PCDHGA2: variants seen among roughly 807,000 people sequenced by gnomAD.
PCDHGA2 encodes the protein protocadherin gamma-A2.
A neutral mutation model predicts 59.2 loss-of-function variants in PCDHGA2; 40 were observed. The ratio of observed to expected loss-of-function variants is 0.68; its 90% CI spans 0.52 to 0.88. PCDHGA2 has a LOEUF of 0.88. Ranked by LOEUF, PCDHGA2 falls within the 40% of genes least tolerant of loss-of-function variation. The pLI is 0.00. For synonymous variants in PCDHGA2, 560 were observed against 526.0 expected (o/e 1.06, Z -0.89); for missense variants, 1,226 against 1,204.0 (o/e 1.02, Z -0.27).
chr5:141,490,151 T>C lies in PCDHGA2; in HGVS notation c.2425-4656T>C, dbSNP rs1449636059. The stretch of plus-strand genomic sequence containing the variant: ...GACCCTAGCAGTGGGGCAATCCATG[T>C]GTTGGGTCCCATAGACTTTGAGGAG... On this transcript the variant is annotated intron_variant, in intron 1 of 3. Transcript: ENST00000394576. The surrounding 1 kb of genome is among the most constrained non-coding windows in gnomAD (Gnocchi z 5.4). 4 of 1,614,210 alleles carry C rather than the reference T, an allele frequency of 2.5e-6. No homozygotes were observed. The highest frequency in any genetic ancestry group is 3.4e-6 in the Non-Finnish European group (4 of 1,180,018).
chr5:141,500,839 G>A (rs2099802871), intron 2 of PCDHGA2, among the ~76,000 whole-genome samples: 1 of 151,906 alleles, frequency 6.6e-6, no homozygotes, highest in African/African-American at 2.4e-5. Flanking sequence ...ATGCTAATGG[G>A]CTTTTGCTAC....
Position 141,494,920 on chromosome 5 carries a change from G to A in PCDHGA2, c.2483+55G>A, listed in dbSNP as rs1329724849. The A allele has an allele frequency of 1.8e-5, 29 of 1,613,680 alleles. No individual in the cohort carries two copies. The East Asian group carries it at 6.5e-4, about 36-fold the overall frequency. On this transcript the variant is annotated intron_variant, in intron 2 of 3. Coordinates refer to ENST00000394576, the MANE Select transcript of PCDHGA2 (RefSeq NM_018915.4). ...TTCTCTGCGGCATTTTCTCAGGGAT[G>A]ACGTGGGAGGAGATGGGGGAGGGCC...
intron 1 of PCDHGA2, among the ~76,000 whole-genome samples, chr5:141,463,534 C>T (rs866525322): frequency 2.6e-4 from 39 of 148,938 alleles, no homozygotes; most frequent in Admixed American, 7.5e-4. Flanking sequence ...CTAGAAACTC[C>T]GGCTCCCGGG....
chr5:141,452,449 T>G (rs1482580788), intron 1 of PCDHGA2, among the ~76,000 whole-genome samples: 1 of 152,224 alleles, frequency 6.6e-6, no homozygotes, highest in South Asian at 2.1e-4. Flanking sequence ...TTCTAGGCCT[T>G]GTCAGCAGAC....
At chr5:141,346,410 A>G (rs1423837519) in intron 1 of PCDHGA2, 3 of 1,614,250 alleles carry the variant, frequency 1.9e-6, no homozygotes, top group South Asian at 1.1e-5. Context: ...GCCTCTTCTG[A>G]TAACTCAGGA....
At chr5:141,410,821 C>A in intron 1 of PCDHGA2, 1 of 441,370 alleles carries the variant, frequency 2.3e-6, no homozygotes, top group Non-Finnish European at 3.8e-6. Context: ...AAAATAATGT[C>A]ACCAGACTGA....
chr5:141,399,812 C>T (rs1561672586), intron 1 of PCDHGA2: 1 of 1,613,222 alleles, frequency 6.2e-7, no homozygotes, highest in South Asian at 1.1e-5. Context: ...CTGTACCCCG[C>T]GCTGGGTCCC....
intron 1 of PCDHGA2, among the ~76,000 whole-genome samples, chr5:141,494,135 GTCAC>G (rs1365926534): frequency 3.3e-5 from 5 of 152,202 alleles, no homozygotes; most frequent in Admixed American, 6.5e-5. Flanking sequence ...CTTCTCCTTA[GTCAC>G]AGACCATTGT....
intron 1 of PCDHGA2, chr5:141,356,275 T>C: frequency 6.4e-7 from 1 of 1,560,692 alleles, no homozygotes; most frequent in Non-Finnish European, 8.7e-7. Context: ...AGTCCAGGAA[T>C]CTTCTTCCCC....
Position 141,486,595 on chromosome 5 carries a change from T to G in PCDHGA2, c.2425-8212T>G. ...AGAACAATCGCCCAGGGGACCTGCTTTGCTCCCTTGCAGCCTCTGACCCAG... is the reference window on the plus strand; with the variant it reads ...AGAACAATCGCCCAGGGGACCTGCTGTGCTCCCTTGCAGCCTCTGACCCAG... On this transcript the variant is annotated intron_variant, in intron 1 of 3. Coordinates refer to ENST00000394576, the MANE Select transcript of PCDHGA2 (RefSeq NM_018915.4). This position sits in a 1 kb window ranked among gnomAD's most constrained non-coding sequence, Gnocchi z 5.0. The G allele has an allele frequency of 6.2e-7, 1 of 1,613,614 alleles. No homozygotes were observed. Among genetic ancestry groups the G allele is most frequent in the Non-Finnish European group, 8.5e-7 (1 of 1,180,016 alleles).
chr5:141,417,034 T>C (rs1408752235), intron 1 of PCDHGA2: 1 of 151,548 alleles, frequency 6.6e-6, no homozygotes, highest in Non-Finnish European at 1.5e-5. Context: ...ACAGGTTTTT[T>C]TTTTAAAAAA....
At chr5:141,418,815 T>A in intron 1 of PCDHGA2, 1 of 1,613,864 alleles carries the variant, frequency 6.2e-7, no homozygotes, top group East Asian at 2.2e-5. Flanking sequence ...ACGATAAACA[T>A]AGAAGCAAAA....
At position 141,344,546 on chromosome 5, in the gene PCDHGA2, G is replaced by T. The variant is rs761868330; in HGVS notation, c.2424+3151G>T. On this transcript the variant is annotated intron_variant, in intron 1 of 3. Transcript: ENST00000394576. ...GCATTAACTCCCTGCAGAACTACAA[G>T]CTTAGCCCCAATGACTACTTCTCTC... is the stretch of plus-strand genomic sequence containing the variant. 34 of 1,614,000 alleles carry T rather than the reference G, an allele frequency of 2.1e-5. No homozygotes were observed. In the South Asian group the frequency reaches 2.9e-4, roughly 14 times the overall value.
At chr5:141,410,473 A>G (rs1347318074) in intron 1 of PCDHGA2, 1 of 1,614,028 alleles carries the variant, frequency 6.2e-7, no homozygotes, top group East Asian at 2.2e-5. Context: ...TGTGCATTGC[A>G]CATACGGGTA....
chr5:141,428,508 T>G, intron 1 of PCDHGA2: 1 of 279,550 alleles, frequency 3.6e-6, no homozygotes, highest in South Asian at 4.0e-5. Flanking sequence ...CCTCGGATTC[T>G]AGAAAAAGAA....
chr5:141,464,680 A>T (rs747974832), intron 1 of PCDHGA2, among the ~76,000 whole-genome samples: 1 of 152,144 alleles, frequency 6.6e-6, no homozygotes, highest in African/African-American at 2.4e-5. Context: ...TTTTAATTAA[A>T]ATTTCTCTTA....
chr5:141,508,723 G>A (rs941469412), intron 3 of PCDHGA2, among the ~76,000 whole-genome samples: 2 of 151,814 alleles, frequency 1.3e-5, no homozygotes, highest in African/African-American at 4.8e-5. Context: ...TGTGTGCAGG[G>A]AGACTACACC....
rs773232677 is a variant in PCDHGA2, at chr5:141,490,388, G to A, written c.2425-4419G>A. 2 of 1,614,206 alleles carry A rather than the reference G, an allele frequency of 1.2e-6. No homozygotes were observed. The highest frequency in any genetic ancestry group is 2.2e-5 in the East Asian group (1 of 44,878). The stretch of plus-strand genomic sequence containing the variant: ...CGAGACCGGGACTCAGGTAGAAATG[G>A]TGAAGTGAGCCTTGATATCTCTCCG... On this transcript the variant is annotated intron_variant, in intron 1 of 3. Transcript: ENST00000394576. The surrounding 1 kb of genome is among the most constrained non-coding windows in gnomAD (Gnocchi z 5.4).
In PCDHGA2 at chr5:141,486,702, T is replaced by C; in HGVS notation, c.2425-8105T>C. On this transcript the variant is annotated intron_variant, in intron 1 of 3. Coordinates refer to ENST00000394576, the MANE Select transcript of PCDHGA2 (RefSeq NM_018915.4). The surrounding 1 kb of genome is among the most constrained non-coding windows in gnomAD (Gnocchi z 5.0). ...GTATCAGCTTCCTCTTTCATCTCTC[T>C]GAACCCCCAGACAGGAGCTGTTCAT... is the stretch of plus-strand genomic sequence containing the variant. 3 of 1,614,218 alleles carry C rather than the reference T, an allele frequency of 1.9e-6. No homozygotes were observed. Among genetic ancestry groups the C allele is most frequent in the Non-Finnish European group, 2.5e-6 (3 of 1,180,040 alleles).
Sources: allele counts gnomAD v4.1 joint callset (sites outside exome capture counted in the v4.1 genomes callset), GRCh38; gene constraint gnomAD v4.1.1; non-coding constraint Gnocchi (gnomAD v3.1); transcripts MANE v1.5; gene names NCBI Gene and HGNC (gene_info 2026-07-23, HGNC 2026-07-21).